BTRC: variants seen among roughly 807,000 people sequenced by gnomAD.
BTRC encodes the protein F-box/WD repeat-containing protein 1A.
In BTRC, 42 loss-of-function variants were observed where a neutral mutation model predicts 85.5. The observed-to-expected ratio is 0.49, with a 90% CI of 0.38 to 0.64. The LOEUF is 0.64. BTRC is among the 30% of genes least tolerant of loss of function. The pLI, the probability that BTRC is intolerant of heterozygous loss-of-function variation, is 0.00. For missense variants in BTRC, 594 were observed against 743.5 expected, an observed-to-expected ratio of 0.80 and a Z score of 2.34; for synonymous variants, 255 against 263.3, an observed-to-expected ratio of 0.97 and a Z score of 0.30.
intron 2 of BTRC, among the ~76,000 whole-genome samples, chr10:101,433,993 A>G (rs1359124770): frequency 6.6e-6 from 1 of 152,202 alleles, no homozygotes; most frequent in East Asian, 1.9e-4. Context: ...TCACCTAAAG[A>G]CTATAATAAA....
intron 2 of BTRC, among the ~76,000 whole-genome samples, chr10:101,461,256 A>G (rs1945217539): frequency 6.6e-6 from 1 of 152,276 alleles, no homozygotes; most frequent in South Asian, 2.1e-4. Context: ...TTGTTGCTGA[A>G]AATGGAACTC....
intron 1 of BTRC, among the ~76,000 whole-genome samples, chr10:101,403,812 C>G (rs1241308509): frequency 1.3e-5 from 2 of 151,694 alleles, no homozygotes; most frequent in African/African-American, 4.8e-5. Flanking sequence ...TCAGGCTTGT[C>G]TGGAACTCCT....
chr10:101,541,265 C>CTG (rs2062462056), intron 13 of BTRC, among the ~76,000 whole-genome samples: 1 of 147,132 alleles, frequency 6.8e-6, no homozygotes, highest in Admixed American at 6.7e-5. Context: ...GGGTTTTTCT[C>CTG]TTTTTTTTTT....
At chr10:101,363,585 A>G (rs1942278205) in intron 1 of BTRC, among the ~76,000 whole-genome samples, 1 of 152,028 alleles carries the variant, frequency 6.6e-6, no homozygotes, top group African/African-American at 2.4e-5. Context: ...CAGCCTCCCG[A>G]GTAGCTGGGA....
At chr10:101,393,169 A>T (rs1241286341) in intron 1 of BTRC, among the ~76,000 whole-genome samples, 1 of 152,162 alleles carries the variant, frequency 6.6e-6, no homozygotes, top group African/African-American at 2.4e-5. Context: ...ACACATGGAG[A>T]TCCCTGGAGG....
rs1209446020 is a variant in BTRC at position 101,533,087 on chromosome 10, G to A, written c.1097+17G>A. On this transcript the variant is annotated intron_variant, in intron 9 of 14. Coordinates refer to ENST00000370187, the MANE Select transcript of BTRC (RefSeq NM_033637.4). ...CACGGTCAGGTAGAAAATTTCAAATGCTTTTTTGAACTCTGAAATATCAGC... is the reference window on the plus strand; with the variant it reads ...CACGGTCAGGTAGAAAATTTCAAATACTTTTTTGAACTCTGAAATATCAGC... The A allele has an allele frequency of 1.3e-6, 2 of 1,551,678 alleles. No homozygotes were observed. The highest frequency in any genetic ancestry group is 2.2e-5 in the East Asian group (1 of 44,490).
At chr10:101,533,335 A>G (rs912042118) in intron 9 of BTRC, among the ~76,000 whole-genome samples, 1 of 152,232 alleles carries the variant, frequency 6.6e-6, no homozygotes, top group Non-Finnish European at 1.5e-5. Flanking sequence ...TCTTATCCTT[A>G]TGGTAAACTT....
At chr10:101,439,135 C>G (rs2134105543) in intron 2 of BTRC, among the ~76,000 whole-genome samples, 1 of 152,262 alleles carries the variant, frequency 6.6e-6, no homozygotes, top group East Asian at 1.9e-4. Context: ...TTCTCTCTGC[C>G]AGTCTCTGGT....
At chr10:101,415,518 TATGTTATGTTATGTTATGTTATGTTATG>T (rs1943917137) in intron 1 of BTRC, among the ~76,000 whole-genome samples, 1 of 7,542 alleles carries the variant, frequency 1.3e-4, no homozygotes, top group Non-Finnish European at 8.5e-4. Flanking sequence ...TATGTTATGT[TATGTTATGTTATGTTATGTTATGTTATG>T]TTATGTTATT....
intron 6 of BTRC, among the ~76,000 whole-genome samples, chr10:101,530,246 G>C (rs534227378): frequency 6.6e-6 from 1 of 152,328 alleles, no homozygotes; most frequent in East Asian, 1.9e-4. Context: ...CTTGATAGCA[G>C]TGCTCTTAGG....
chr10:101,506,157 G>A (rs9420846), intron 4 of BTRC, among the ~76,000 whole-genome samples: 44,904 of 151,868 alleles, frequency 0.3, 7,904 homozygotes, highest in Middle Eastern at 0.47. Flanking sequence ...CAGGTGATCC[G>A]CCGCCTCAGC....
At chr10:101,416,756 C>T (rs1024749223) in intron 1 of BTRC, among the ~76,000 whole-genome samples, 20 of 152,062 alleles carry the variant, frequency 1.3e-4, no homozygotes, top group Non-Finnish European at 2.1e-4. Context: ...TCAGGTTAAC[C>T]GTAATGCATT....
At chr10:101,400,247 T>C (rs1387065110) in intron 1 of BTRC, among the ~76,000 whole-genome samples, 1 of 152,236 alleles carries the variant, frequency 6.6e-6, no homozygotes, top group African/African-American at 2.4e-5. Flanking sequence ...TGCTGATCTG[T>C]GATGTGCGGG....
intron 2 of BTRC, among the ~76,000 whole-genome samples, chr10:101,445,774 A>C (rs570503838): frequency 1.3e-5 from 2 of 152,360 alleles, no homozygotes; most frequent in Admixed American, 6.5e-5. Flanking sequence ...AGAATTCCCC[A>C]GAGGCCTTGG....
At chr10:101,378,345 G>A (rs1038668289) in intron 1 of BTRC, among the ~76,000 whole-genome samples, 40 of 151,980 alleles carry the variant, frequency 2.6e-4, no homozygotes, top group Admixed American at 2.6e-3. Flanking sequence ...CATTTGGAAT[G>A]CATACTTGCT....
At chr10:101,521,301 A>G (rs2062100938) in intron 4 of BTRC, among the ~76,000 whole-genome samples, 1 of 152,254 alleles carries the variant, frequency 6.6e-6, no homozygotes, top group Non-Finnish European at 1.5e-5. Context: ...AAGTAATTGT[A>G]TAAATGTCCA....
chr10:101,359,141 T>C (rs1942127847), intron 1 of BTRC, among the ~76,000 whole-genome samples: 2 of 152,294 alleles, frequency 1.3e-5, no homozygotes, highest in South Asian at 4.1e-4. Flanking sequence ...ATTAATGTGA[T>C]TAAGTAAACT....
chr10:101,485,224 T>A (rs1004937411), intron 4 of BTRC, among the ~76,000 whole-genome samples: 1 of 152,010 alleles, frequency 6.6e-6, no homozygotes, highest in Non-Finnish European at 1.5e-5. Flanking sequence ...CAGCCCAGAA[T>A]CTTTATGAAT....
intron 4 of BTRC, among the ~76,000 whole-genome samples, chr10:101,506,309 C>T (rs1946540594): frequency 6.6e-6 from 1 of 152,184 alleles, no homozygotes; most frequent in Non-Finnish European, 1.5e-5. Flanking sequence ...TATTGTAGCA[C>T]ATGGTGAATG....
Sources: gnomAD v4.1 joint callset for allele counts (sites outside exome capture counted in the v4.1 genomes callset) on GRCh38, gnomAD v4.1.1 for gene constraint, MANE v1.5 for transcripts, NCBI Gene and HGNC (gene_info 2026-07-23, HGNC 2026-07-21) for gene names.